ATXN7L1: variants seen among roughly 807,000 people sequenced by gnomAD.
The protein encoded by ATXN7L1 is ataxin-7-like protein 1.
ATXN7L1 carries 15 observed loss-of-function variants against 70.8 expected under a neutral mutation model. The observed-to-expected ratio is 0.21, with a 90% CI of 0.14 to 0.33. ATXN7L1 has a LOEUF of 0.33. Ranked by LOEUF, ATXN7L1 falls within the 10% of genes least tolerant of loss-of-function variation. ATXN7L1 has a pLI of 1.00. For missense variants in ATXN7L1, 975 were observed against 1,097.1 expected (o/e 0.89, Z 1.57); for synonymous variants, 440 against 445.1 (o/e 0.99, Z 0.14).
chr7:105,670,696 G>T (rs901148538), intron 3 of ATXN7L1, among the ~76,000 whole-genome samples: 5 of 152,006 alleles, frequency 3.3e-5, no homozygotes, highest in Admixed American at 3.3e-4. Context: ...GGGCGTGGTG[G>T]CTGACATCTG....
chr7:105,820,603 T>G (rs1809996188), intron 2 of ATXN7L1, among the ~76,000 whole-genome samples: 1 of 152,154 alleles, frequency 6.6e-6, no homozygotes, highest in East Asian at 1.9e-4. Context: ...CAGGGTTGGG[T>G]TTTTTTAAAT....
chr7:105,699,773 G>A (rs2116231026), intron 3 of ATXN7L1, among the ~76,000 whole-genome samples: 1 of 152,166 alleles, frequency 6.6e-6, no homozygotes. Context: ...TGGTGCCTAT[G>A]GTTTGCAAAC....
At position 105,619,455 on chromosome 7, in the gene ATXN7L1, T is replaced by C. The variant is rs1359638702; in HGVS notation, c.1517+745A>G. Among the ~76,000 whole-genome samples, 3 of 138,238 alleles carry C rather than the reference T, an allele frequency of 2.2e-5. No homozygotes were observed. The Admixed American group carries it at 2.2e-4, about 10-fold the overall frequency. The allele number at this position is 138,238 out of a possible 152,430, so 90.7% of individuals were successfully genotyped here. A position where few individuals can be genotyped will look rare whatever the true frequency, so the allele number is the denominator to read the frequency against. On this transcript the variant is annotated intron_variant, in intron 9 of 11. Coordinates refer to ENST00000419735, the MANE Select transcript of ATXN7L1 (RefSeq NM_020725.2). The stretch of plus-strand genomic sequence containing the variant: ...TGAGCCACCGTGCCTGGCTGAAATC[T>C]TTAGTTTTGATATTGTAGTATTAAC...
intron 3 of ATXN7L1, among the ~76,000 whole-genome samples, chr7:105,695,147 C>T (rs563981717): frequency 6.6e-5 from 10 of 151,696 alleles, no homozygotes; most frequent in African/African-American, 2.2e-4. Context: ...ATTAGCCGGG[C>T]GTGGTGGCCG....
intron 3 of ATXN7L1, among the ~76,000 whole-genome samples, chr7:105,733,517 C>T (rs148406030): frequency 0.15 from 7,749 of 52,192 alleles, 573 homozygotes; most frequent in East Asian, 0.34. Flanking sequence ...CATCCATCCA[C>T]CCATCCATCC....
intron 3 of ATXN7L1, among the ~76,000 whole-genome samples, chr7:105,690,377 T>C (rs1422002385): frequency 6.6e-6 from 1 of 152,186 alleles, no homozygotes; most frequent in Non-Finnish European, 1.5e-5. Flanking sequence ...ACTCAGCAGT[T>C]AGAACTATGT....
intron 7 of ATXN7L1, among the ~76,000 whole-genome samples, chr7:105,632,534 A>G (rs1796741954): frequency 6.6e-6 from 1 of 152,226 alleles, no homozygotes. Context: ...AAATTATCCA[A>G]GATGTAACAC....
chr7:105,616,959 G>T (rs1182423908), intron 9 of ATXN7L1, among the ~76,000 whole-genome samples: 1 of 152,170 alleles, frequency 6.6e-6, no homozygotes, highest in African/African-American at 2.4e-5. Context: ...GGAATAAAAA[G>T]TTATTTACAA....
At chr7:105,718,771 T>C (rs1308900587) in intron 3 of ATXN7L1, among the ~76,000 whole-genome samples, 4 of 152,220 alleles carry the variant, frequency 2.6e-5, no homozygotes, top group Non-Finnish European at 4.4e-5. Flanking sequence ...GGGCTCTTTG[T>C]CTGCCAAGGC....
At chr7:105,692,431 TC>T (rs1490732463) in intron 3 of ATXN7L1, among the ~76,000 whole-genome samples, 24 of 107,122 alleles carry the variant, frequency 2.2e-4, no homozygotes, top group African/African-American at 7.5e-4. Flanking sequence ...CCTTCCTCCC[TC>T]CCTCCCTCCC....
chr7:105,772,975 G>A (rs1802217851), intron 3 of ATXN7L1, among the ~76,000 whole-genome samples: 2 of 152,090 alleles, frequency 1.3e-5, no homozygotes, highest in African/African-American at 4.8e-5. Flanking sequence ...ATTATAAAAT[G>A]GATAACCTAT....
chr7:105,626,621 G>C (rs1790050), intron 7 of ATXN7L1, among the ~76,000 whole-genome samples: 2,100 of 152,214 alleles, frequency 0.014, 42 homozygotes, highest in African/African-American at 0.048. Flanking sequence ...TTCATTCTGC[G>C]TGTCTACAGG....
intron 2 of ATXN7L1, among the ~76,000 whole-genome samples, chr7:105,825,727 T>A (rs1810782321): frequency 6.6e-6 from 1 of 152,132 alleles, no homozygotes; most frequent in African/African-American, 2.4e-5. Context: ...GGGAACAGAT[T>A]TGGATACTTT....
chr7:105,698,371 A>G (rs1022347073), intron 3 of ATXN7L1, among the ~76,000 whole-genome samples: 2 of 152,062 alleles, frequency 1.3e-5, no homozygotes, highest in Non-Finnish European at 2.9e-5. Context: ...CTTTTTTAAA[A>G]ATAAATTTTT....
chr7:105,812,324 A>G (rs1808547589), intron 2 of ATXN7L1, among the ~76,000 whole-genome samples: 2 of 152,250 alleles, frequency 1.3e-5, no homozygotes, highest in Non-Finnish European at 2.9e-5. Flanking sequence ...GAACTTTAAA[A>G]GCAAGGTTTC....
intron 3 of ATXN7L1, among the ~76,000 whole-genome samples, chr7:105,781,635 A>T (rs188903812): frequency 1.1e-3 from 166 of 152,088 alleles, no homozygotes; most frequent in African/African-American, 3.8e-3. Context: ...TCTGTAGCTT[A>T]TCCCTCAGTT....
chr7:105,771,201 G>GATAATAATAATAATAATA lies in ATXN7L1; in HGVS notation c.355+17385_355+17402dup, dbSNP rs67884616. Among the ~76,000 whole-genome samples, 96 of 139,246 alleles carry GATAATAATAATAATAATA rather than the reference G, an allele frequency of 6.9e-4. 1 individual carries two copies. Among genetic ancestry groups the GATAATAATAATAATAATA allele is most frequent in the East Asian group, 1.3e-3 (6 of 4,784 alleles). 91.4% of individuals were successfully genotyped at this position (139,246 alleles called of 152,430 possible). The stretch of plus-strand genomic sequence containing the variant: ...GGCGACAGAGCAAGACTCCGTCTCT[G>GATAATAATAATAATAATA]ATAATAATAATAATAATAATAATAA... On this transcript the variant is annotated intron_variant, in intron 3 of 11. Coordinates refer to ENST00000419735, the MANE Select transcript of ATXN7L1 (RefSeq NM_020725.2).
At chr7:105,783,163 G>A (rs1189057866) in intron 3 of ATXN7L1, among the ~76,000 whole-genome samples, 3 of 152,170 alleles carry the variant, frequency 2.0e-5, no homozygotes, top group South Asian at 2.1e-4. Flanking sequence ...GTAAATGTTA[G>A]GATTCTAACC....
At chr7:105,713,389 G>C (rs2116276206) in intron 3 of ATXN7L1, among the ~76,000 whole-genome samples, 1 of 152,332 alleles carries the variant, frequency 6.6e-6, no homozygotes, top group Middle Eastern at 3.4e-3. Context: ...GGGTCTGACG[G>C]GAATGGCTGT....
Sources: allele counts gnomAD v4.1 joint callset (sites outside exome capture counted in the v4.1 genomes callset), GRCh38; gene constraint gnomAD v4.1.1; transcripts MANE v1.5; gene names NCBI Gene and HGNC (gene_info 2026-07-23, HGNC 2026-07-21).